DDX24: variants seen among roughly 807,000 people sequenced by gnomAD.
The protein encoded by DDX24 is DEAD-box helicase 24, also known as ATP-dependent RNA helicase DDX24.
DDX24 carries 24 observed loss-of-function variants against 68.9 expected under a neutral mutation model. The observed-to-expected ratio is 0.35, with a 90% CI of 0.25 to 0.49. The LOEUF is 0.49. Ranked by LOEUF, DDX24 falls within the 20% of genes least tolerant of loss-of-function variation. The probability of loss-of-function intolerance (pLI) is 0.99; values close to 1 mark genes in which losing one functional copy is unlikely to be tolerated. For synonymous variants in DDX24, 395 were observed against 385.2 expected (o/e 1.03, Z -0.30); for missense variants, 989 against 1,039.0 (o/e 0.95, Z 0.66).
chr14:94,058,351 C>G (rs1322101209), intron 5 of DDX24, among the ~76,000 whole-genome samples: 2 of 152,168 alleles, frequency 1.3e-5, no homozygotes, highest in East Asian at 3.8e-4. Context: ...CCTCAGATGT[C>G]CATATGACTC....
intron 6 of DDX24, chr14:94,057,563 C>A (rs1164465513): frequency 2.3e-6 from 1 of 444,168 alleles, no homozygotes; most frequent in African/African-American, 2.0e-5. Flanking sequence ...GCCCATTTCA[C>A]AGAAAAAACT....
chr14:94,065,264 G>A (rs1394318717), intron 2 of DDX24, among the ~76,000 whole-genome samples: 1 of 151,950 alleles, frequency 6.6e-6, no homozygotes, highest in Non-Finnish European at 1.5e-5. Context: ...ATGTTGGCCA[G>A]GATGGTCTCT....
Position 94,061,080 on chromosome 14 carries a change from A to C in DDX24, c.1244-14T>G, listed in dbSNP as rs1443631911. On this transcript the variant is annotated splice_polypyrimidine_tract_variant and intron_variant, in intron 3 of 8. Transcript: ENST00000621632. ...CAGTTTTAATTCCTATGGGACAGAA[A>C]ACATAAGGGACACTTATTCAATCTG... 6.2e-7 allele frequency: 1 copy of C among 1,612,850 alleles called. No individual in the cohort carries two copies. The highest frequency in any genetic ancestry group is 8.5e-7 in the Non-Finnish European group (1 of 1,179,340).
At chr14:94,068,723 G>A (rs1885759783) in intron 2 of DDX24, among the ~76,000 whole-genome samples, 2 of 152,136 alleles carry the variant, frequency 1.3e-5, no homozygotes, top group South Asian at 2.1e-4. Flanking sequence ...TCAAAACCAT[G>A]CAAATACATG....
rs369471355 is a variant in DDX24 at position 94,062,118 on chromosome 14, C to T, written c.1222G>A (p.Asp408Asn). The T allele has an allele frequency of 1.3e-4, 215 of 1,612,754 alleles. 5 individuals carry two copies. The South Asian group carries it at 1.4e-3, about 10-fold the overall frequency. ...ELAVQVKQHI[D>N]AVARFTGIKT... is the part of the protein sequence containing the mutation. ...TCACCTGTAAACCTGGCCACAGCAT[C>T]AATGTGCTGTTTGACCTGGACGGCC... The change falls in exon 3 of 9, where the codon GAT (aspartate) becomes AAT (asparagine). Residue 408 changes from aspartate to asparagine, a missense_variant. Asp to Asn is a conservative substitution (Grantham distance 23, BLOSUM62 1). Coordinates refer to ENST00000621632, the MANE Select transcript of DDX24 (RefSeq NM_020414.4).
At position 94,062,378 on chromosome 14, in the gene DDX24, G is replaced by C. The variant is rs200966866; in HGVS notation, c.962C>G (p.Thr321Ser). The change falls in exon 3 of 9, where the codon ACT becomes AGT. Residue 321 changes from threonine to serine, a missense_variant. This residue lies in a region of DDX24 where 691 missense variants were observed against 760.0 expected (regional missense o/e 0.91). Transcript: ENST00000621632. ...SDIAAEARAK[T>S]GGTVSDQALL... The stretch of plus-strand genomic sequence containing the variant: ...CGCCTGGTCTGAGACAGTGCCTCCA[G>C]TCTTGGCTCTGGCCTCGGCTGCAAT... 2.5e-5 allele frequency: 41 copies of C among 1,614,218 alleles called. No homozygotes were observed. Among genetic ancestry groups the C allele is most frequent in the Middle Eastern group, 1.6e-4 (1 of 6,062 alleles).
In DDX24 at chr14:94,050,441, G is replaced by T. The variant is rs1027253899; in HGVS notation, c.*750C>A. 17 of 152,432 alleles carry T rather than the reference G, an allele frequency of 1.1e-4. No homozygotes were observed. Among genetic ancestry groups the T allele is most frequent in the African/African-American group, 4.1e-4 (17 of 41,460 alleles). 9.4% of individuals were successfully genotyped at this position (152,432 alleles called of 1,614,324 possible). ...CCAGACCGAGGGAAAAGCCTATTCT[G>T]CACAAAGGCTCAGGACAAGAGAAGG... is the stretch of plus-strand genomic sequence containing the variant. On this transcript the variant is annotated 3_prime_UTR_variant, in exon 9 of 9. Transcript: ENST00000621632.
intron 2 of DDX24, among the ~76,000 whole-genome samples, chr14:94,071,961 T>C (rs1885840915): frequency 6.6e-6 from 1 of 151,886 alleles, no homozygotes; most frequent in Admixed American, 6.6e-5. Flanking sequence ...AAAAACAATG[T>C]TGGCATGGAT....
At chr14:94,069,287 A>G (rs993379007) in intron 2 of DDX24, among the ~76,000 whole-genome samples, 61 of 151,430 alleles carry the variant, frequency 4.0e-4, no homozygotes, top group African/African-American at 1.2e-3. Flanking sequence ...AAATTCCTGG[A>G]AAAAAAACCC....
intron 2 of DDX24, among the ~76,000 whole-genome samples, chr14:94,070,220 C>T (rs1053851660): frequency 2.0e-5 from 3 of 151,576 alleles, no homozygotes; most frequent in Admixed American, 6.6e-5. Flanking sequence ...ACACCAACAG[C>T]GACCAAGTGG....
chr14:94,053,298 G>A, intron 7 of DDX24, 171 bp from the exon 8 acceptor site: 2 of 545,318 alleles, frequency 3.7e-6, no homozygotes, highest in Non-Finnish European at 5.6e-6. Flanking sequence ...CTTGGATCAA[G>A]CAATCCTCCC....
chr14:94,067,136 A>G (rs187535141), intron 2 of DDX24, among the ~76,000 whole-genome samples: 63 of 152,292 alleles, frequency 4.1e-4, no homozygotes, highest in Middle Eastern at 6.8e-3. Context: ...ATACATAAAG[A>G]GAAAACAATA....
At chr14:94,067,202 C>G (rs559583157) in intron 2 of DDX24, among the ~76,000 whole-genome samples, 4 of 152,058 alleles carry the variant, frequency 2.6e-5, no homozygotes, top group African/African-American at 9.7e-5. Flanking sequence ...TGGGGAAAGT[C>G]TCAGCAATAG....
intron 8 of DDX24, chr14:94,051,863 G>C (rs10146814): frequency 0.52 from 90,084 of 172,524 alleles, 25,803 homozygotes; most frequent in African/African-American, 0.79. Flanking sequence ...GGTTTGGTGA[G>C]TTCACAATTA....
At chr14:94,054,722 A>C (rs1885459072) in intron 7 of DDX24, among the ~76,000 whole-genome samples, 1 of 152,174 alleles carries the variant, frequency 6.6e-6, no homozygotes, top group Non-Finnish European at 1.5e-5. Context: ...GACAGCCATG[A>C]CCACTGCACT....
At chr14:94,066,109 C>T (rs947252892) in intron 2 of DDX24, among the ~76,000 whole-genome samples, 3 of 152,138 alleles carry the variant, frequency 2.0e-5, no homozygotes, top group Admixed American at 2.0e-4. Flanking sequence ...TAACCTTGGG[C>T]AAGTTTTCAA....
chr14:94,072,645 C>T (rs1001709731), intron 2 of DDX24, among the ~76,000 whole-genome samples: 20 of 152,232 alleles, frequency 1.3e-4, no homozygotes, highest in African/African-American at 4.1e-4. Context: ...ACCTGGCCAA[C>T]GTGGTGAAAC....
intron 2 of DDX24, among the ~76,000 whole-genome samples, chr14:94,065,675 G>GT (rs907011010): frequency 2.0e-5 from 3 of 152,140 alleles, no homozygotes; most frequent in Non-Finnish European, 4.4e-5. Flanking sequence ...CCCAAATACC[G>GT]TGAGTGCCCC....
rs745847508 is a variant in DDX24, at chr14:94,051,316, G to A, written c.2455C>T (p.Leu819Phe). The A allele has an allele frequency of 5.0e-5, 81 of 1,613,192 alleles. No homozygotes were observed. The highest frequency in any genetic ancestry group is 6.7e-5 in the Non-Finnish European group (79 of 1,179,864). ...YPTQSGKPPL[L>F]VSAPSKSESA... is the part of the protein sequence containing the mutation. ...TCGCTCTTACTTGGGGCAGACACAA[G>A]CAGGGGCGGCTTGCCAGACTGAGTG... is the stretch of plus-strand genomic sequence containing the variant. Residue 819 changes from leucine (L) to phenylalanine (F), a missense_variant, in exon 9 of 9, where the codon CTT becomes TTT. Physicochemically the swap from Leu to Phe is conservative, Grantham distance 22 (BLOSUM62 0). Around this residue, in one of 3 missense-constraint regions of DDX24, gnomAD observed 691 missense variants for 760.0 expected, o/e 0.91. Transcript: ENST00000621632.
Sources: gnomAD v4.1 joint callset for allele counts (sites outside exome capture counted in the v4.1 genomes callset) on GRCh38, gnomAD v4.1.1 for gene constraint, gnomAD v4.1.1 regional missense constraint, MANE v1.5 for transcripts, NCBI Gene and HGNC (gene_info 2026-07-23, HGNC 2026-07-21) for gene names.